The following ARHGAP26 variants were observed in gnomAD, a reference collection of about 807,000 sequenced individuals.
The protein encoded by ARHGAP26 is Rho GTPase activating protein 26, also known as rho GTPase-activating protein 26.
ARHGAP26 carries 38 observed loss-of-function variants against 104.8 expected under a neutral mutation model. That is an observed-to-expected ratio of 0.36 (90% CI 0.28 to 0.48). The LOEUF (loss-of-function observed/expected upper bound fraction) is 0.48. Ranked by LOEUF, ARHGAP26 falls within the 20% of genes least tolerant of loss-of-function variation. The probability of loss-of-function intolerance (pLI) is 0.99; values close to 1 mark genes in which losing one functional copy is unlikely to be tolerated. For missense variants in ARHGAP26, 704 were observed against 947.9 expected (o/e 0.74, Z 3.38); for synonymous variants, 341 against 340.0 (o/e 1.00, Z -0.03).
rs1811469341 is a variant in ARHGAP26, at chr5:143,224,086, G to A, written c.*1640G>A. On this transcript the variant is annotated 3_prime_UTR_variant, in exon 23 of 23. Transcript: ENST00000645722. ...AGAAGAAAAGAAAAACTTGAATTGT[G>A]TTGAATTACTGTATCTTTTACTTTT... 4.4e-6 allele frequency: 1 copy of A among 225,896 alleles called. No individual in the cohort carries two copies. The highest frequency in any genetic ancestry group is 6.3e-5 in the East Asian group (1 of 15,768). The allele number at this position is 225,896 out of a possible 1,614,324, so 14.0% of individuals were successfully genotyped here. A position where few individuals can be genotyped will look rare whatever the true frequency, so the allele number is the denominator to read the frequency against.
intron 1 of ARHGAP26, among the ~76,000 whole-genome samples, chr5:142,834,217 A>G (rs965832489): frequency 6.6e-6 from 1 of 152,226 alleles, no homozygotes; most frequent in African/African-American, 2.4e-5. Flanking sequence ...GCAGAGCTTG[A>G]TAAATTATCA....
At chr5:142,777,746 A>G (rs914922406) in intron 1 of ARHGAP26, among the ~76,000 whole-genome samples, 2 of 151,848 alleles carry the variant, frequency 1.3e-5, no homozygotes, top group African/African-American at 4.8e-5. Context: ...TAGCGGGGAG[A>G]TTGAGTGGGA....
At chr5:143,014,187 G>C in intron 12 of ARHGAP26, 71 bp downstream of exon 12, 1 of 1,561,576 alleles carries the variant, frequency 6.4e-7, no homozygotes, top group South Asian at 1.1e-5. Flanking sequence ...GCTACTCCAG[G>C]TGTGAACCAC....
chr5:142,895,183 G>A lies in ARHGAP26; in HGVS notation c.597+835G>A, dbSNP rs577708774. Reference sequence around the variant, plus strand: ...ATTTAGACTCAAGCATGGCATCTCTGTACAAATAAGATTCTCTACCTAGAT... The same window carrying A: ...ATTTAGACTCAAGCATGGCATCTCTATACAAATAAGATTCTCTACCTAGAT... On this transcript the variant is annotated intron_variant, in intron 6 of 22. Coordinates refer to ENST00000645722, the MANE Select transcript of ARHGAP26 (RefSeq NM_001135608.3). Among the ~76,000 whole-genome samples, 342 of 152,222 alleles carry A rather than the reference G, an allele frequency of 2.2e-3. 3 individuals are homozygous for A. The highest frequency in any genetic ancestry group is 7.7e-3 in the African/African-American group (320 of 41,542).
At chr5:143,160,995 C>T (rs192553883) in intron 20 of ARHGAP26, among the ~76,000 whole-genome samples, 1 of 143,856 alleles carries the variant, frequency 7.0e-6, no homozygotes, top group East Asian at 2.0e-4. Context: ...AGCCTCTGGG[C>T]TATTTCAGAT....
At chr5:143,016,117 C>G (rs147142462) in intron 12 of ARHGAP26, among the ~76,000 whole-genome samples, 1 of 152,176 alleles carries the variant, frequency 6.6e-6, no homozygotes, top group East Asian at 1.9e-4. Flanking sequence ...TTAGAAAGAA[C>G]CAGAGAGGGC....
intron 20 of ARHGAP26, among the ~76,000 whole-genome samples, chr5:143,193,240 C>CTTTTTTTTTTT (rs57462040): frequency 1.1e-4 from 8 of 74,622 alleles, no homozygotes; most frequent in Admixed American, 1.9e-4. Flanking sequence ...ATTTTCTTTT[C>CTTTTTTTTTTT]TTTTTTTTTT....
chr5:142,986,946 A>T (rs145525645), intron 11 of ARHGAP26, among the ~76,000 whole-genome samples: 1 of 152,000 alleles, frequency 6.6e-6, no homozygotes, highest in South Asian at 2.1e-4. Flanking sequence ...GTGATGCCTC[A>T]AGCTTTGTTC....
At chr5:143,106,466 C>CTTTTTTTTTTTTTT (rs70991793) in intron 17 of ARHGAP26, among the ~76,000 whole-genome samples, 1 of 77,292 alleles carries the variant, frequency 1.3e-5, no homozygotes, top group Non-Finnish European at 2.2e-5. Flanking sequence ...ATGCATTGGG[C>CTTTTTTTTTTTTTT]TTTTTTTTTT....
At chr5:143,017,871 C>G (rs945322388) in intron 12 of ARHGAP26, among the ~76,000 whole-genome samples, 3 of 152,196 alleles carry the variant, frequency 2.0e-5, no homozygotes, top group African/African-American at 7.2e-5. Flanking sequence ...CTGGGATACA[C>G]CCACCCAAAG....
At chr5:142,953,866 C>T (rs1441383463) in intron 11 of ARHGAP26, among the ~76,000 whole-genome samples, 1 of 152,154 alleles carries the variant, frequency 6.6e-6, no homozygotes, top group Non-Finnish European at 1.5e-5. Context: ...CAGTTTGGCA[C>T]TAAAGAGGAC....
At chr5:142,941,064 G>C (rs67922441) in intron 11 of ARHGAP26, among the ~76,000 whole-genome samples, 1 of 106,804 alleles carries the variant, frequency 9.4e-6, no homozygotes, top group African/African-American at 3.6e-5. Context: ...GACTGAGAGC[G>C]ACTCCATCTC....
chr5:143,142,232 G>T (rs537711148), intron 19 of ARHGAP26, among the ~76,000 whole-genome samples: 2 of 139,674 alleles, frequency 1.4e-5, no homozygotes, highest in South Asian at 2.3e-4. Flanking sequence ...TTCGCCTCCC[G>T]GGTTCAAGTG....
intron 18 of ARHGAP26, among the ~76,000 whole-genome samples, chr5:143,128,723 C>T (rs1047912754): frequency 3.3e-5 from 5 of 152,118 alleles, no homozygotes; most frequent in South Asian, 4.1e-4. Context: ...TTTCCTAATG[C>T]GTCAAACAAA....
chr5:142,850,290 C>T (rs1012154416), intron 1 of ARHGAP26, among the ~76,000 whole-genome samples: 1 of 152,172 alleles, frequency 6.6e-6, no homozygotes, highest in Admixed American at 6.5e-5. Context: ...CCTTTGTGAC[C>T]AGTTTAACTC....
chr5:143,100,577 C>T (rs1439047278), intron 17 of ARHGAP26, among the ~76,000 whole-genome samples: 1 of 152,256 alleles, frequency 6.6e-6, no homozygotes, highest in African/African-American at 2.4e-5. Flanking sequence ...TTAATCACCT[C>T]CCATGGTGTG....
chr5:143,162,733 C>A (rs1801421564), intron 20 of ARHGAP26, among the ~76,000 whole-genome samples: 1 of 152,198 alleles, frequency 6.6e-6, no homozygotes, highest in African/African-American at 2.4e-5. Context: ...CTACTGTAGC[C>A]TAACTGCTCT....
At chr5:143,218,810 G>A (rs975658259) in intron 22 of ARHGAP26, among the ~76,000 whole-genome samples, 4 of 152,228 alleles carry the variant, frequency 2.6e-5, no homozygotes, top group African/African-American at 9.6e-5. Context: ...TTGATGTTCA[G>A]AGCATTGGGC....
intron 1 of ARHGAP26, among the ~76,000 whole-genome samples, chr5:142,846,866 C>T (rs1207895683): frequency 6.6e-6 from 1 of 152,134 alleles, no homozygotes. Context: ...AATAACTCTC[C>T]CTTAAAGGAG....
Sources: gnomAD v4.1 joint callset for allele counts (sites outside exome capture counted in the v4.1 genomes callset) on GRCh38, gnomAD v4.1.1 for gene constraint, MANE v1.5 for transcripts, NCBI Gene and HGNC (gene_info 2026-07-23, HGNC 2026-07-21) for gene names.